Variants in CRYBA4 observed in about 807,000 individuals in gnomAD.
CRYBA4 encodes the protein crystallin beta A4.
In CRYBA4, 30 loss-of-function variants were observed where a neutral mutation model predicts 31.7. The observed-to-expected ratio is 0.95, with a 90% CI of 0.71 to 1.28. The LOEUF is 1.28. Among genes scored for constraint, CRYBA4 ranks in the 50% most tolerant of loss-of-function variants. CRYBA4 has a pLI of 0.00. For synonymous variants in CRYBA4, 102 were observed against 102.3 expected, an observed-to-expected ratio of 1.00 and a Z score of 0.02; for missense variants, 225 against 260.7, an observed-to-expected ratio of 0.86 and a Z score of 0.94.
chr22:26,612,182 G>A, the CRYBA4 span: 1 of 1,612,786 alleles, frequency 6.2e-7, no homozygotes. Context: ...CCAGTTCGAA[G>A]ACCACCAGCT....
the CRYBA4 span, among the ~76,000 whole-genome samples, chr22:26,601,300 G>A: frequency 2.0e-5 from 3 of 152,094 alleles, no homozygotes; most frequent in Non-Finnish European, 4.4e-5. Flanking sequence ...AAGGTCATGG[G>A]GCTCCGTTTT....
chr22:26,625,907 C>CT lies in CRYBA4; in HGVS notation c.300+295dup, dbSNP rs58638498. Among the ~76,000 whole-genome samples the CT allele has an allele frequency of 0.089, 13,231 of 149,152 alleles. 742 individuals carry two copies. The highest frequency in any genetic ancestry group is 0.12 in the Non-Finnish European group (8,233 of 66,996). Reference sequence around the variant, plus strand: ...TAGGAGCCCCTGCCAGTTTTGTGCCCTTTTTTTTTTGTGATTCAGGGACCC... The same window carrying CT: ...TAGGAGCCCCTGCCAGTTTTGTGCCCTTTTTTTTTTTGTGATTCAGGGACCC... On this transcript the variant is annotated intron_variant, in intron 4 of 5. Transcript: ENST00000354760.
upstream of CRYBA4, among the ~76,000 whole-genome samples, chr22:26,621,067 T>A (rs774797837): frequency 6.6e-6 from 1 of 152,176 alleles, no homozygotes; most frequent in African/African-American, 2.4e-5. Flanking sequence ...CACACAAGTA[T>A]GTATGTATGA....
the CRYBA4 span, among the ~76,000 whole-genome samples, chr22:26,593,562 G>A: frequency 2.0e-5 from 3 of 151,710 alleles, no homozygotes; most frequent in Admixed American, 6.6e-5. Context: ...GTCTCACTCT[G>A]TTGCCCAGGC....
chr22:26,624,628 A>G (rs1929646819), intron 3 of CRYBA4, among the ~76,000 whole-genome samples: 1 of 152,226 alleles, frequency 6.6e-6, no homozygotes, highest in South Asian at 2.1e-4. Context: ...AGATGGGAAC[A>G]GAGGCTTTCT....
chr22:26,592,456 G>A, the CRYBA4 span, among the ~76,000 whole-genome samples: 5 of 152,256 alleles, frequency 3.3e-5, no homozygotes, highest in African/African-American at 7.2e-5. Flanking sequence ...AGGGCCAGGC[G>A]TGTGTATACA....
the CRYBA4 span, chr22:26,599,302 A>G: frequency 5.0e-6 from 3 of 605,424 alleles, no homozygotes; most frequent in South Asian, 6.3e-5. Context: ...TGCTGCTTTT[A>G]TTATCGTTGT....
At chr22:26,616,929 C>A in the CRYBA4 span, among the ~76,000 whole-genome samples, 3 of 152,200 alleles carry the variant, frequency 2.0e-5, no homozygotes, top group Non-Finnish European at 4.4e-5. Context: ...AGTATTCTGC[C>A]ATTTGCTTAA....
chr22:26,614,093 A>C, the CRYBA4 span, among the ~76,000 whole-genome samples: 1 of 152,194 alleles, frequency 6.6e-6, no homozygotes, highest in African/African-American at 2.4e-5. Context: ...TCTCCTGATA[A>C]GATGTTATCA....
chr22:26,590,420 C>T, the CRYBA4 span, among the ~76,000 whole-genome samples: 1 of 152,186 alleles, frequency 6.6e-6, no homozygotes, highest in African/African-American at 2.4e-5. Context: ...GTGGAATGAT[C>T]ACCAAAAAGT....
At chr22:26,599,990 A>G in the CRYBA4 span, among the ~76,000 whole-genome samples, 1 of 152,238 alleles carries the variant, frequency 6.6e-6, no homozygotes, top group African/African-American at 2.4e-5. Context: ...ATATGAATAC[A>G]CATCCCATTA....
chr22:26,607,348 A>G, the CRYBA4 span, among the ~76,000 whole-genome samples: 3,266 of 152,140 alleles, frequency 0.021, 48 homozygotes, highest in Middle Eastern at 0.065. Context: ...TAGCCATTGC[A>G]TGATCTGCAA....
chr22:26,625,801 C>CA lies in CRYBA4; in HGVS notation c.300+181dup, dbSNP rs1199101070. Among the ~76,000 whole-genome samples the CA allele has an allele frequency of 1.9e-4, 29 of 152,206 alleles. 1 individual carries two copies. Among genetic ancestry groups the CA allele is most frequent in the Admixed American group, 1.9e-3 (29 of 15,282 alleles). ...TCATCTTGAAATGGGGCAATAGTAC[C>CA]AATGTTCTTGGGAAGAAGAACGTAT... On this transcript the variant is annotated intron_variant, in intron 4 of 5. Coordinates refer to ENST00000354760, the MANE Select transcript of CRYBA4 (RefSeq NM_001886.3).
intron 4 of CRYBA4, among the ~76,000 whole-genome samples, chr22:26,627,357 C>CTT (rs1169548472): frequency 3.0e-5 from 1 of 32,808 alleles, no homozygotes; most frequent in Admixed American, 3.5e-4. Flanking sequence ...CCCTCCCTCC[C>CTT]TCCTTTCTTT....
chr22:26,617,382 G>C (rs1352911112), upstream of CRYBA4, among the ~76,000 whole-genome samples: 2 of 152,174 alleles, frequency 1.3e-5, no homozygotes, highest in Non-Finnish European at 2.9e-5. Context: ...GCTGATTCCC[G>C]AACACATTCT....
the CRYBA4 span, among the ~76,000 whole-genome samples, chr22:26,611,192 T>C: frequency 6.6e-6 from 1 of 152,190 alleles, no homozygotes; most frequent in Admixed American, 6.5e-5. Context: ...CTGTGCCACT[T>C]ACCAATAGGT....
At chr22:26,593,774 T>C in the CRYBA4 span, among the ~76,000 whole-genome samples, 1 of 152,176 alleles carries the variant, frequency 6.6e-6, no homozygotes, top group East Asian at 1.9e-4. Flanking sequence ...GATCCACCTG[T>C]CTTGGACTCC....
the CRYBA4 span, among the ~76,000 whole-genome samples, chr22:26,598,580 C>T: frequency 3.0e-4 from 46 of 152,172 alleles, no homozygotes; most frequent in African/African-American, 1.1e-3. Flanking sequence ...GATGGGGTTT[C>T]GCGATGTTGG....
the CRYBA4 span, chr22:26,616,333 A>G: frequency 6.2e-7 from 1 of 1,610,702 alleles, no homozygotes; most frequent in Non-Finnish European, 8.5e-7. Context: ...TCCCGCCTGC[A>G]AAAGTCTGTA....
Sources: allele counts gnomAD v4.1 joint callset (sites outside exome capture counted in the v4.1 genomes callset), GRCh38; gene constraint gnomAD v4.1.1; transcripts MANE v1.5; gene names NCBI Gene and HGNC (gene_info 2026-07-23, HGNC 2026-07-21).